LRRC4C: variants seen among roughly 807,000 people sequenced by gnomAD.
LRRC4C encodes leucine-rich repeat-containing protein 4C.
In LRRC4C, 5 loss-of-function variants were observed where a neutral mutation model predicts 33.6. The observed-to-expected ratio is 0.15, with a 90% confidence interval of 0.08 to 0.31. The LOEUF is 0.31. Ranked by LOEUF, LRRC4C falls within the 10% of genes least tolerant of loss-of-function variation. The pLI, the probability that LRRC4C is intolerant of heterozygous loss-of-function variation, is 1.00. For synonymous variants in LRRC4C, 329 were observed against 302.0 expected, an observed-to-expected ratio of 1.09 and a Z score of -0.93; for missense variants, 560 against 796.7, an observed-to-expected ratio of 0.70 and a Z score of 3.58.
At chr11:40,157,765 C>G (rs56841078) in intron 5 of LRRC4C, among the ~76,000 whole-genome samples, 1 of 152,186 alleles carries the variant, frequency 6.6e-6, no homozygotes, top group East Asian at 1.9e-4. Context: ...ACAGTAGATG[C>G]TGGCATGGAT....
chr11:40,354,045 G>A (rs999236502), intron 3 of LRRC4C, among the ~76,000 whole-genome samples: 1 of 152,120 alleles, frequency 6.6e-6, no homozygotes. Flanking sequence ...CTAACTCTTT[G>A]GTTATTGCAG....
chr11:40,595,154 T>C (rs559107689), intron 3 of LRRC4C, among the ~76,000 whole-genome samples: 2 of 152,146 alleles, frequency 1.3e-5, no homozygotes, highest in East Asian at 3.9e-4. Context: ...ACTTTATTTA[T>C]GGTGCTCAAA....
intron 3 of LRRC4C, among the ~76,000 whole-genome samples, chr11:40,507,110 T>G (rs1955071142): frequency 6.6e-6 from 1 of 152,106 alleles, no homozygotes; most frequent in Non-Finnish European, 1.5e-5. Context: ...GGAATAGGGA[T>G]TGCCTTCATA....
chr11:41,134,625 G>C, intron 1 of LRRC4C, among the ~76,000 whole-genome samples: 1 of 152,072 alleles, frequency 6.6e-6, no homozygotes, highest in Non-Finnish European at 1.5e-5. Flanking sequence ...TCAAAATCAA[G>C]GTGTTGGCAG....
At chr11:40,494,457 A>C (rs962456217) in intron 3 of LRRC4C, among the ~76,000 whole-genome samples, 11 of 152,200 alleles carry the variant, frequency 7.2e-5, no homozygotes, top group African/African-American at 2.7e-4. Flanking sequence ...TCTGAGGGAA[A>C]GGAATTAACG....
At chr11:41,220,557 C>CACAT (rs1947261813) in intron 1 of LRRC4C, among the ~76,000 whole-genome samples, 1 of 150,940 alleles carries the variant, frequency 6.6e-6, no homozygotes, top group African/African-American at 2.4e-5. Context: ...CACACACACA[C>CACAT]ACACAATTCT....
At chr11:40,377,481 G>A (rs1489878862) in intron 3 of LRRC4C, among the ~76,000 whole-genome samples, 3 of 152,014 alleles carry the variant, frequency 2.0e-5, no homozygotes, top group African/African-American at 4.8e-5. Context: ...TGTCACATAC[G>A]TAATGTTTCT....
chr11:41,265,977 T>A (rs1328269161), intron 1 of LRRC4C, among the ~76,000 whole-genome samples: 7 of 152,064 alleles, frequency 4.6e-5, no homozygotes, highest in African/African-American at 7.2e-5. Context: ...AATCAATCAC[T>A]TTGCTATTGC....
At chr11:40,289,538 A>T (rs892701046) in intron 4 of LRRC4C, among the ~76,000 whole-genome samples, 2 of 152,184 alleles carry the variant, frequency 1.3e-5, no homozygotes, top group African/African-American at 4.8e-5. Flanking sequence ...TTACTCACAA[A>T]TGTCTTTCAG....
At chr11:41,174,135 G>T (rs995226487) in intron 1 of LRRC4C, among the ~76,000 whole-genome samples, 3 of 151,990 alleles carry the variant, frequency 2.0e-5, no homozygotes, top group African/African-American at 7.2e-5. Flanking sequence ...AAATAGTTCT[G>T]AATGAACAGG....
intron 5 of LRRC4C, among the ~76,000 whole-genome samples, chr11:40,175,616 C>T (rs1860412992): frequency 6.6e-6 from 1 of 152,144 alleles, no homozygotes. Flanking sequence ...GATTTTGAGC[C>T]TTTAATGTAG....
chr11:40,386,483 G>T (rs1423625338), intron 3 of LRRC4C, among the ~76,000 whole-genome samples: 1 of 152,264 alleles, frequency 6.6e-6, no homozygotes, highest in Non-Finnish European at 1.5e-5. Context: ...AAGATTAAAT[G>T]AGATAGCTAT....
chr11:40,238,395 C>T (rs1865710140), intron 5 of LRRC4C, among the ~76,000 whole-genome samples: 1 of 152,182 alleles, frequency 6.6e-6, no homozygotes. Flanking sequence ...ATCCTCATTT[C>T]TGTCTACATT....
intron 2 of LRRC4C, among the ~76,000 whole-genome samples, chr11:40,776,274 C>CT (rs35762891): frequency 2.7e-3 from 399 of 148,688 alleles, no homozygotes; most frequent in South Asian, 7.8e-3. Flanking sequence ...GGATTTTTCT[C>CT]TTTTTTTTTT....
intron 1 of LRRC4C, among the ~76,000 whole-genome samples, chr11:41,405,437 A>G (rs1303562846): frequency 6.6e-6 from 1 of 152,164 alleles, no homozygotes; most frequent in Non-Finnish European, 1.5e-5. Flanking sequence ...GATAATTAAT[A>G]TTCAATCTCT....
At chr11:40,795,252 G>C (rs993740837) in intron 2 of LRRC4C, among the ~76,000 whole-genome samples, 2 of 152,156 alleles carry the variant, frequency 1.3e-5, no homozygotes, top group South Asian at 2.1e-4. Context: ...GGAAAGACTG[G>C]GCGCGGTGGC....
chr11:40,299,012 C>G (rs909671971), intron 4 of LRRC4C, among the ~76,000 whole-genome samples: 3 of 152,084 alleles, frequency 2.0e-5, no homozygotes, highest in Non-Finnish European at 4.4e-5. Context: ...CAGAGCCAGA[C>G]CATATCAGGA....
intron 1 of LRRC4C, among the ~76,000 whole-genome samples, chr11:41,108,682 C>T (rs945828206): frequency 2.0e-5 from 3 of 152,046 alleles, no homozygotes; most frequent in African/African-American, 7.2e-5. Context: ...ATTCTGAAAG[C>T]TTCACATTTT....
chr11:41,280,419 C>A (rs1949625743), intron 1 of LRRC4C, among the ~76,000 whole-genome samples: 1 of 152,158 alleles, frequency 6.6e-6, no homozygotes. Flanking sequence ...TAATTTGTGA[C>A]CCCATGCTCA....
Sources: gnomAD v4.1 joint callset for allele counts (sites outside exome capture counted in the v4.1 genomes callset) on GRCh38, gnomAD v4.1.1 for gene constraint, MANE v1.5 for transcripts, NCBI Gene and HGNC (gene_info 2026-07-23, HGNC 2026-07-21) for gene names.